NR3C2: variants seen among roughly 807,000 people sequenced by gnomAD.
NR3C2 encodes nuclear receptor subfamily 3 group C member 2.
A neutral mutation model predicts 86.4 loss-of-function variants in NR3C2; 15 were observed. The ratio of observed to expected loss-of-function variants is 0.17; its 90% CI spans 0.12 to 0.27. The LOEUF (loss-of-function observed/expected upper bound fraction) is 0.27, where lower values mean the gene tolerates loss of function less well. Among genes scored for constraint, NR3C2 ranks in the 10% least tolerant of loss-of-function variants. The pLI, the probability that NR3C2 is intolerant of heterozygous loss-of-function variation, is 1.00. For synonymous variants in NR3C2, 458 were observed against 450.5 expected (o/e 1.02, Z -0.21); for missense variants, 960 against 1,195.6 (o/e 0.80, Z 2.91).
intron 2 of NR3C2, among the ~76,000 whole-genome samples, chr4:148,389,945 C>A (rs1747456353): frequency 6.6e-6 from 1 of 152,050 alleles, no homozygotes; most frequent in South Asian, 2.1e-4. Context: ...CTTTTAAAAT[C>A]ATTACCTTTT....
intron 8 of NR3C2, among the ~76,000 whole-genome samples, chr4:148,105,277 G>A (rs1731743084): frequency 6.6e-6 from 1 of 152,124 alleles, no homozygotes; most frequent in African/African-American, 2.4e-5. Flanking sequence ...AAATAAACTA[G>A]AAAATCTAGA....
At chr4:148,280,031 T>C (rs1431869646) in intron 2 of NR3C2, among the ~76,000 whole-genome samples, 2 of 152,304 alleles carry the variant, frequency 1.3e-5, no homozygotes, top group African/African-American at 2.4e-5. Flanking sequence ...AGCCTTAAAG[T>C]AGTAATTTCA....
At chr4:148,311,428 C>T (rs750201411) in intron 2 of NR3C2, among the ~76,000 whole-genome samples, 2 of 152,158 alleles carry the variant, frequency 1.3e-5, no homozygotes, top group South Asian at 2.1e-4. Flanking sequence ...ACACAAGCCC[C>T]GGAGCCATCT....
chr4:148,245,199 C>T (rs992905609), intron 3 of NR3C2, among the ~76,000 whole-genome samples: 9 of 152,210 alleles, frequency 5.9e-5, no homozygotes, highest in African/African-American at 1.9e-4. Flanking sequence ...CTGTGAACAG[C>T]GATCATTTAT....
At chr4:148,274,674 C>T (rs1403035702) in intron 2 of NR3C2, among the ~76,000 whole-genome samples, 1 of 151,072 alleles carries the variant, frequency 6.6e-6, no homozygotes, top group Non-Finnish European at 1.5e-5. Flanking sequence ...TTAATGGACT[C>T]AGTCAATTAT....
At chr4:148,239,173 T>C (rs886906276) in intron 3 of NR3C2, among the ~76,000 whole-genome samples, 25 of 152,194 alleles carry the variant, frequency 1.6e-4, no homozygotes, top group African/African-American at 6.0e-4. Context: ...GCCAAGTAAA[T>C]GTGTGAATGC....
intron 2 of NR3C2, among the ~76,000 whole-genome samples, chr4:148,345,281 T>C (rs887239750): frequency 2.0e-5 from 3 of 151,864 alleles, no homozygotes; most frequent in Non-Finnish European, 4.4e-5. Flanking sequence ...ACAATACATA[T>C]ACACACGTGC....
At chr4:148,150,447 G>C (rs569015863) in intron 6 of NR3C2, among the ~76,000 whole-genome samples, 1 of 152,078 alleles carries the variant, frequency 6.6e-6, no homozygotes, top group Non-Finnish European at 1.5e-5. Context: ...TCTGTGAGGC[G>C]CATCATAGCT....
intron 2 of NR3C2, among the ~76,000 whole-genome samples, chr4:148,397,366 A>G (rs1747913483): frequency 6.6e-6 from 1 of 152,208 alleles, no homozygotes; most frequent in Non-Finnish European, 1.5e-5. Flanking sequence ...GAAAATAGGA[A>G]AGTGTCTGGA....
intron 2 of NR3C2, among the ~76,000 whole-genome samples, chr4:148,292,342 T>C (rs965855816): frequency 6.6e-6 from 1 of 152,064 alleles, no homozygotes; most frequent in South Asian, 2.1e-4. Flanking sequence ...GCTTTCTTAA[T>C]TGAAATGCTA....
chr4:148,443,626 ATG>A, upstream of NR3C2, among the ~76,000 whole-genome samples: 1 of 151,864 alleles, frequency 6.6e-6, no homozygotes, highest in East Asian at 1.9e-4. Context: ...TAGGCTTCTC[ATG>A]TAAGGCCCCG....
chr4:148,199,952 G>A (rs1322742825), intron 3 of NR3C2, among the ~76,000 whole-genome samples: 3 of 152,212 alleles, frequency 2.0e-5, no homozygotes, highest in Admixed American at 6.5e-5. Flanking sequence ...TTGGAGTTGG[G>A]GGATGAATTG....
At chr4:148,377,296 G>A (rs1027883361) in intron 2 of NR3C2, among the ~76,000 whole-genome samples, 1 of 152,206 alleles carries the variant, frequency 6.6e-6, no homozygotes, top group African/African-American at 2.4e-5. Context: ...ATCCACACCT[G>A]CATGGTATGA....
At chr4:148,181,243 T>C (rs1735631394) in intron 4 of NR3C2, among the ~76,000 whole-genome samples, 1 of 152,184 alleles carries the variant, frequency 6.6e-6, no homozygotes, top group Non-Finnish European at 1.5e-5. Context: ...TTTTAGTGTC[T>C]TCACTAAAGG....
intron 8 of NR3C2, among the ~76,000 whole-genome samples, chr4:148,086,098 AAAAG>A (rs1730799799): frequency 1.3e-5 from 2 of 152,352 alleles, no homozygotes; most frequent in South Asian, 4.1e-4. Flanking sequence ...AAACAATAGA[AAAAG>A]AGAGACTCCT....
In NR3C2 at chr4:148,343,177, C is replaced by T. The variant is rs1053261870; in HGVS notation, c.1758-83060G>A. On this transcript the variant is annotated intron_variant, in intron 2 of 8. Coordinates refer to ENST00000358102, the MANE Select transcript of NR3C2 (RefSeq NM_000901.5). ...AAACTACAAAGCAAAGATAGATACT[C>T]ATTATGCCAACTCTATAGGACTCAG... Among the ~76,000 whole-genome samples the T allele has an allele frequency of 6.6e-5, 10 of 152,304 alleles. No individual in the cohort carries two copies. The East Asian group carries it at 1.4e-3, about 21-fold the overall frequency.
chr4:148,167,707 T>C (rs996364534), intron 4 of NR3C2, among the ~76,000 whole-genome samples: 6 of 152,228 alleles, frequency 3.9e-5, no homozygotes, highest in African/African-American at 1.4e-4. Context: ...GTAAATGCTT[T>C]GCTGACCCTC....
chr4:148,183,304 T>C (rs1735730768), intron 4 of NR3C2, among the ~76,000 whole-genome samples: 1 of 152,238 alleles, frequency 6.6e-6, no homozygotes, highest in African/African-American at 2.4e-5. Context: ...GCCTTTAAAG[T>C]AGCATGATTT....
intron 2 of NR3C2, among the ~76,000 whole-genome samples, chr4:148,369,732 C>A (rs1746322094): frequency 6.6e-6 from 1 of 152,178 alleles, no homozygotes; most frequent in Non-Finnish European, 1.5e-5. Context: ...CATCTATGTG[C>A]CCCTCTGGCA....
Sources: allele counts gnomAD v4.1 joint callset (sites outside exome capture counted in the v4.1 genomes callset), GRCh38; gene constraint gnomAD v4.1.1; transcripts MANE v1.5; gene names NCBI Gene and HGNC (gene_info 2026-07-23, HGNC 2026-07-21).